B3GNT3: variants seen among roughly 807,000 people sequenced by gnomAD.
B3GNT3 encodes the protein UDP-GlcNAc:betaGal beta-1,3-N-acetylglucosaminyltransferase 3.
Under a neutral mutation model 11.6 loss-of-function variants are expected in B3GNT3, and 7 were observed. That is an observed-to-expected ratio of 0.60 (90% CI 0.34 to 1.13). The LOEUF is 1.13. Among genes scored for constraint, B3GNT3 ranks in the 50% most tolerant of loss-of-function variants. The pLI, the probability that B3GNT3 is intolerant of heterozygous loss-of-function variation, is 0.03. For missense variants in B3GNT3, 400 were observed against 507.4 expected (o/e 0.79, Z 2.03); for synonymous variants, 201 against 222.1 (o/e 0.90, Z 0.85).
At position 17,810,158 on chromosome 19, in the gene B3GNT3, C is replaced by T. The variant is rs534889917; in HGVS notation, c.568-1413C>T. 1.8e-4 allele frequency among the ~76,000 whole-genome samples: 27 copies of T among 152,238 alleles called. No homozygotes were observed. In the East Asian group the frequency reaches 4.3e-3, roughly 24 times the overall value. ...ACTGTAGGGGAAACTGAGGCTGAGGCGGGTAGGGGCCATGGCCTCTTAACA... is the reference window on the plus strand; with the variant it reads ...ACTGTAGGGGAAACTGAGGCTGAGGTGGGTAGGGGCCATGGCCTCTTAACA... On this transcript the variant is annotated intron_variant, in intron 2 of 2. Coordinates refer to ENST00000318683, the MANE Select transcript of B3GNT3 (RefSeq NM_014256.4).
chr19:17,802,684 G>A (rs1599845138), intron 1 of B3GNT3, among the ~76,000 whole-genome samples: 1 of 151,954 alleles, frequency 6.6e-6, no homozygotes, highest in East Asian at 1.9e-4. Context: ...GGCTGAGCTT[G>A]GGTGGTTTTT....
chr19:17,797,555 A>C (rs2094160808), intron 1 of B3GNT3, among the ~76,000 whole-genome samples: 1 of 152,112 alleles, frequency 6.6e-6, no homozygotes, highest in Non-Finnish European at 1.5e-5. Flanking sequence ...CCAGTCTCAC[A>C]TAGGTGCCCC....
chr19:17,796,476 G>A (rs1438720472), intron 1 of B3GNT3, among the ~76,000 whole-genome samples: 1 of 152,200 alleles, frequency 6.6e-6, no homozygotes, highest in Non-Finnish European at 1.5e-5. Context: ...GTCCAGATCT[G>A]GGATTCAGGG....
At chr19:17,805,472 G>C (rs553255685) in intron 1 of B3GNT3, among the ~76,000 whole-genome samples, 1 of 152,176 alleles carries the variant, frequency 6.6e-6, no homozygotes, top group African/African-American at 2.4e-5. Flanking sequence ...GCTCCTCATT[G>C]CTTCTCACAG....
intron 1 of B3GNT3, among the ~76,000 whole-genome samples, chr19:17,806,621 T>C (rs781488543): frequency 6.6e-6 from 1 of 151,856 alleles, no homozygotes; most frequent in Non-Finnish European, 1.5e-5. Flanking sequence ...TGACCCCGAG[T>C]TGAGGGACGT....
intron 1 of B3GNT3, among the ~76,000 whole-genome samples, chr19:17,807,412 A>C (rs991816277): frequency 6.6e-6 from 1 of 151,364 alleles, no homozygotes; most frequent in South Asian, 2.1e-4. Context: ...GGATCGCTTG[A>C]ACCCATGAGG....
chr19:17,807,162 C>G (rs917643768), intron 1 of B3GNT3, among the ~76,000 whole-genome samples: 6 of 50,360 alleles, frequency 1.2e-4, no homozygotes, highest in Non-Finnish European at 2.4e-4. Context: ...GCAGGAACCT[C>G]AGCACCCCCA....
At chr19:17,797,938 C>T (rs2094161350) in intron 1 of B3GNT3, among the ~76,000 whole-genome samples, 1 of 152,198 alleles carries the variant, frequency 6.6e-6, no homozygotes, top group East Asian at 1.9e-4. Context: ...GAGGAACCAC[C>T]CACAGGGGCT....
At chr19:17,804,146 C>G (rs1266233362) in intron 1 of B3GNT3, among the ~76,000 whole-genome samples, 2 of 152,124 alleles carry the variant, frequency 1.3e-5, no homozygotes, top group Non-Finnish European at 2.9e-5. Flanking sequence ...TTTTCCACCC[C>G]CTAACATCTG....
At chr19:17,804,251 T>C (rs1276910805) in intron 1 of B3GNT3, among the ~76,000 whole-genome samples, 1 of 148,022 alleles carries the variant, frequency 6.8e-6, no homozygotes, top group East Asian at 1.9e-4. Flanking sequence ...TTTTTTTTTT[T>C]TTTTTTGAGA....
In B3GNT3 at chr19:17,808,141, G is replaced by T. The variant is rs148959165; in HGVS notation, c.334G>T (p.Val112Leu). ...CGCGCAGCCGGTCTTCCTGCTGCTG[G>T]TGATCAAGTCCTCCCCTAGCAACTA... ...KCAQPVFLLL[V>L]IKSSPSNYVR... Residue 112 changes from valine (V) to leucine (L), a missense_variant, in exon 2 of 3, where the codon GTG (valine) becomes TTG (leucine). Physicochemically the swap from Val to Leu is conservative, Grantham distance 32. Coordinates refer to ENST00000318683, the MANE Select transcript of B3GNT3 (RefSeq NM_014256.4). 3.1e-6 allele frequency: 5 copies of T among 1,613,618 alleles called. No individual in the cohort carries two copies. Among genetic ancestry groups the T allele is most frequent in the Non-Finnish European group, 4.2e-6 (5 of 1,179,840 alleles).
chr19:17,813,526 G>A lies in B3GNT3; in HGVS notation c.*1404G>A, dbSNP rs2094183859. On this transcript the variant is annotated 3_prime_UTR_variant, in exon 3 of 3. Coordinates refer to ENST00000318683, the MANE Select transcript of B3GNT3 (RefSeq NM_014256.4). ...TCTGACCTCATCCCACCCACCCCCT[G>A]CTCAGATACCCTTCATAGCTCCTTA... Among the ~76,000 whole-genome samples the A allele has an allele frequency of 6.6e-6, 1 of 151,444 alleles. No individual in the cohort carries two copies. Among genetic ancestry groups the A allele is most frequent in the Admixed American group, 6.6e-5 (1 of 15,172 alleles).
intron 2 of B3GNT3, among the ~76,000 whole-genome samples, chr19:17,810,549 A>G (rs1378079210): frequency 6.6e-6 from 1 of 152,104 alleles, no homozygotes; most frequent in African/African-American, 2.4e-5. Context: ...CACAGGCCCA[A>G]GGAGGGAAGT....
chr19:17,799,311 C>CG (rs1168455681), intron 1 of B3GNT3, among the ~76,000 whole-genome samples: 1 of 149,070 alleles, frequency 6.7e-6, no homozygotes, highest in Admixed American at 6.7e-5. Context: ...CTCATTTACC[C>CG]GGGCTGGAGT....
Position 17,808,348 on chromosome 19 carries a change from T to C in B3GNT3, c.541T>C (p.Ser181Pro), listed in dbSNP as rs1202868462. Residue 181 changes from serine to proline, a missense_variant, in exon 2 of 3, where the codon TCC becomes CCC. Coordinates refer to ENST00000318683, the MANE Select transcript of B3GNT3 (RefSeq NM_014256.4). ...GDILQWDFHDSFFNLTLKQVL... is the reference protein window; with the variant it reads ...GDILQWDFHDPFFNLTLKQVL... ...CATCCTGCAGTGGGACTTCCACGAC[T>C]CCTTCTTCAACCTCACGCTCAAGCA... 1.2e-6 allele frequency: 2 copies of C among 1,609,772 alleles called. No homozygotes were observed. Among genetic ancestry groups the C allele is most frequent in the South Asian group, 1.1e-5 (1 of 90,834 alleles).
In B3GNT3 at chr19:17,813,161, G is replaced by A. The variant is rs1472432417; in HGVS notation, c.*1039G>A. On this transcript the variant is annotated 3_prime_UTR_variant, in exon 3 of 3. Transcript: ENST00000318683. ...TCATCCCTAAAAGTCTCATTTTCCA[G>A]TAGAAAATATACACTGGTAAAAACG... The A allele has an allele frequency of 1.3e-5, 2 of 151,778 alleles. No individual in the cohort carries two copies. The highest frequency in any genetic ancestry group is 4.8e-5 in the African/African-American group (2 of 41,284). 9.4% of individuals were successfully genotyped at this position (151,778 alleles called of 1,614,324 possible).
At chr19:17,797,632 T>C (rs915711727) in intron 1 of B3GNT3, among the ~76,000 whole-genome samples, 20 of 152,072 alleles carry the variant, frequency 1.3e-4, no homozygotes, top group Middle Eastern at 3.2e-3. Flanking sequence ...TGACAGAGCC[T>C]CGGGACCTAG....
At chr19:17,797,906 A>G (rs1454296740) in intron 1 of B3GNT3, among the ~76,000 whole-genome samples, 1 of 152,132 alleles carries the variant, frequency 6.6e-6, no homozygotes, top group East Asian at 1.9e-4. Context: ...TTACTGGGAA[A>G]CCCAAACTGG....
At position 17,811,795 on chromosome 19, in the gene B3GNT3, C is replaced by A; in HGVS notation, c.792C>A (p.Tyr264Ter). The change falls in exon 3 of 3, where the codon TAC becomes TAA. Residue 264 changes from tyrosine to a stop codon, truncating the protein, a stop_gained. Coordinates refer to ENST00000318683, the MANE Select transcript of B3GNT3 (RefSeq NM_014256.4). LOFTEE classifies it low-confidence loss of function (END_TRUNC). This position sits in a 1 kb window ranked among gnomAD's most constrained non-coding sequence, Gnocchi z 4.1. The stretch of plus-strand genomic sequence containing the variant: ...AGGTGGTGACTCAGAATGAGCGGTA[C>A]CCACCCTATTGTGGGGGTGGTGGCT... ...VPEVVTQNER[Y>*]PPYCGGGGFL... 6.2e-7 allele frequency: 1 copy of A among 1,614,208 alleles called. No individual in the cohort carries two copies. The highest frequency in any genetic ancestry group is 8.5e-7 in the Non-Finnish European group (1 of 1,180,032).
Sources: gnomAD v4.1 joint callset for allele counts (sites outside exome capture counted in the v4.1 genomes callset) on GRCh38, gnomAD v4.1.1 for gene constraint, Gnocchi (gnomAD v3.1) non-coding constraint, MANE v1.5 for transcripts, NCBI Gene and HGNC (gene_info 2026-07-23, HGNC 2026-07-21) for gene names.